ARHGEF4: variants seen among roughly 807,000 people sequenced by gnomAD.
ARHGEF4 encodes Rho guanine nucleotide exchange factor 4, also known as APC-stimulated guanine nucleotide exchange factor 1.
In ARHGEF4, 119 loss-of-function variants were observed where a neutral mutation model predicts 162.0. That is an observed-to-expected ratio of 0.73 (90% CI 0.63 to 0.86). ARHGEF4 has a LOEUF of 0.86. ARHGEF4 is among the 40% of genes least tolerant of loss of function. ARHGEF4 has a pLI of 0.00. For synonymous variants in ARHGEF4, 1,014 were observed against 979.9 expected (o/e 1.03, Z -0.65); for missense variants, 2,488 against 2,456.0 (o/e 1.01, Z -0.28).
In ARHGEF4 at chr2:130,914,134, G is replaced by C; in HGVS notation, c.188G>C (p.Gly63Ala). ...SETLSQQSES[G>A]SDTKTDPFES... ...ACGCTGTCCCAGCAGAGTGAAAGTG[G>C]ATCAGACACAAAAACTGACCCCTTT... The change falls in exon 2 of 14, where the codon GGA (glycine) becomes GCA (alanine). Residue 63 changes from glycine (G) to alanine (A), a missense_variant. Gly to Ala is a moderately conservative substitution (Grantham distance 60). Around this residue, in one of 6 missense-constraint regions of ARHGEF4, gnomAD observed 171 missense variants for 169.4 expected, o/e 1.01. Coordinates refer to ENST00000409359, the MANE Select transcript of ARHGEF4 (RefSeq NM_001367493.1). 1 of 1,536,120 alleles carries C rather than the reference G, an allele frequency of 6.5e-7. No homozygotes were observed. Among genetic ancestry groups the C allele is most frequent in the Non-Finnish European group, 8.7e-7 (1 of 1,146,914 alleles).
intron 4 of ARHGEF4, among the ~76,000 whole-genome samples, chr2:131,004,077 TAAGA>T (rs1687948678): frequency 6.6e-6 from 1 of 152,054 alleles, no homozygotes; most frequent in South Asian, 2.1e-4. Context: ...CTGGGAAAGA[TAAGA>T]AAGGGAGGAA....
intron 2 of ARHGEF4, among the ~76,000 whole-genome samples, chr2:130,920,571 G>C (rs375970928): frequency 1.3e-5 from 2 of 152,164 alleles, no homozygotes; most frequent in South Asian, 4.1e-4. Flanking sequence ...GTAGAACCCT[G>C]GATGGTGCTG....
Position 130,914,301 on chromosome 2 carries a change from T to C in ARHGEF4, c.355T>C (p.Leu119=). 1 of 1,509,662 alleles carries C rather than the reference T, an allele frequency of 6.6e-7. No homozygotes were observed. The highest frequency in any genetic ancestry group is 1.2e-5 in the South Asian group (1 of 80,144). The allele number at this position is 1,509,662 out of a possible 1,614,324, so 93.5% of individuals were successfully genotyped here. ...AACTGGACCCCCTCAGGAGCAGCAT[T>C]TGACCAGTGTTCCTGGGCTTCATGC... ...SATGPPQEQH[L]TSVPGLHAKE... is the part of the protein sequence containing the mutation. Residue 119 remains leucine, a synonymous_variant, in exon 2 of 14, where the codon TTG becomes CTG. Coordinates refer to ENST00000409359, the MANE Select transcript of ARHGEF4 (RefSeq NM_001367493.1).
At position 130,916,056 on chromosome 2, in the gene ARHGEF4, C is replaced by T; in HGVS notation, c.2110C>T (p.Leu704Phe). Residue 704 changes from leucine to phenylalanine, a missense_variant, in exon 2 of 14, where the codon CTT (leucine) becomes TTT (phenylalanine). Leu to Phe is a conservative substitution (Grantham distance 22, BLOSUM62 0). Coordinates refer to ENST00000409359, the MANE Select transcript of ARHGEF4 (RefSeq NM_001367493.1). ...CATACAGGGAGCTGGCGATGGGGCT[C>T]TTCAGCGGGTGGCCCAGGCCGCAGA... ...APIQGAGDGA[L>F]QRVAQAAELG... 1 of 1,550,332 alleles carries T rather than the reference C, an allele frequency of 6.5e-7. No individual in the cohort carries two copies. Among genetic ancestry groups the T allele is most frequent in the Middle Eastern group, 1.7e-4 (1 of 5,990 alleles).
At chr2:131,039,311 GC>G (rs750115134) in intron 6 of ARHGEF4, 5 of 1,241,956 alleles carry the variant, frequency 4.0e-6, no homozygotes, top group Non-Finnish European at 5.1e-6. Flanking sequence ...GCAACTCCAG[GC>G]GCTAGACATT....
chr2:130,889,654 T>C (rs1553507998), intron 1 of ARHGEF4, among the ~76,000 whole-genome samples: 1 of 150,640 alleles, frequency 6.6e-6, no homozygotes, highest in Non-Finnish European at 1.5e-5. Flanking sequence ...CTACTAAAAA[T>C]ACAAAAAATT....
In ARHGEF4 at chr2:130,973,831, A is replaced by T. The variant is rs145432098; in HGVS notation, c.3985+27196A>T. ...TGTCTGCAAGGTGAGAGAATAGATG[A>T]TTTATACTTTCCAGGGGCCTACTGG... is the stretch of plus-strand genomic sequence containing the variant. On this transcript the variant is annotated intron_variant, in intron 4 of 13. Transcript: ENST00000409359. Among the ~76,000 whole-genome samples the T allele has an allele frequency of 5.9e-4, 90 of 152,322 alleles. 1 individual carries two copies. The East Asian group carries it at 0.016, about 27-fold the overall frequency.
Position 130,914,372 on chromosome 2 carries a change from C to A in ARHGEF4, c.426C>A (p.Cys142Ter). The A allele has an allele frequency of 6.9e-7, 1 of 1,446,112 alleles. No individual in the cohort carries two copies. Among genetic ancestry groups the A allele is most frequent in the Non-Finnish European group, 9.0e-7 (1 of 1,105,156 alleles). 89.6% of individuals were successfully genotyped at this position (1,446,112 alleles called of 1,614,324 possible). A position where few individuals can be genotyped will look rare whatever the true frequency, so the allele number is the denominator to read the frequency against. Residue 142 changes from cysteine to a stop codon, truncating the protein, a stop_gained, in exon 2 of 14, where the codon TGC becomes TGA. Transcript: ENST00000409359. LOFTEE classifies it high-confidence loss of function. Reference protein sequence around the residue: ...DLSPSLEDDSCKNGWRAFATV... With the variant: ...DLSPSLEDDS The stretch of plus-strand genomic sequence containing the variant: ...CCCCTAGCTTAGAGGATGACTCTTG[C>A]AAAAATGGGTGGCGAGCCTTTGCCA...
chr2:130,916,555 G>A lies in ARHGEF4; in HGVS notation c.2609G>A (p.Gly870Glu). 2.6e-6 allele frequency: 4 copies of A among 1,550,124 alleles called. No individual in the cohort carries two copies. Among genetic ancestry groups the A allele is most frequent in the Non-Finnish European group, 2.6e-6 (3 of 1,146,838 alleles). ...VPQAAGDRTAGPAGAGHTGTS... is the reference protein window; with the variant it reads ...VPQAAGDRTAEPAGAGHTGTS... ...CAGGCTGCAGGCGACAGGACTGCAG[G>A]GCCGGCAGGAGCGGGGCACACGGGG... Residue 870 changes from glycine to glutamate, a missense_variant, in exon 2 of 14, where the codon GGG becomes GAG. By Grantham distance (98) the Gly-to-Glu change is moderately conservative. Coordinates refer to ENST00000409359, the MANE Select transcript of ARHGEF4 (RefSeq NM_001367493.1).
intron 4 of ARHGEF4, chr2:130,947,005 C>T (rs373795986): frequency 4.4e-4 from 85 of 193,986 alleles, no homozygotes; most frequent in African/African-American, 1.8e-3. Flanking sequence ...CCAAGGTGGG[C>T]GGATCATATG....
intron 2 of ARHGEF4, among the ~76,000 whole-genome samples, chr2:130,925,196 GA>G (rs1215932037): frequency 1.3e-5 from 2 of 151,878 alleles, no homozygotes; most frequent in Non-Finnish European, 2.9e-5. Flanking sequence ...TTTTGAGAAA[GA>G]AAAATCAAGT....
chr2:130,922,828 G>T (rs1681967608), intron 2 of ARHGEF4, among the ~76,000 whole-genome samples: 1 of 151,294 alleles, frequency 6.6e-6, no homozygotes, highest in African/African-American at 2.4e-5. Context: ...TTTTGGGGTT[G>T]TCTTTCTCTT....
At chr2:131,012,714 G>A (rs549440137) in intron 4 of ARHGEF4, among the ~76,000 whole-genome samples, 17 of 152,264 alleles carry the variant, frequency 1.1e-4, no homozygotes, top group African/African-American at 3.1e-4. Flanking sequence ...CTGAGCAGCC[G>A]GGATTACAGG....
At chr2:130,884,586 T>G (rs1214577558) in intron 1 of ARHGEF4, among the ~76,000 whole-genome samples, 1 of 152,110 alleles carries the variant, frequency 6.6e-6, no homozygotes, top group Non-Finnish European at 1.5e-5. Context: ...TTTTTAATAC[T>G]TTGAGGGCTA....
intron 2 of ARHGEF4, among the ~76,000 whole-genome samples, chr2:130,927,989 T>A (rs572939801): frequency 2.0e-4 from 30 of 152,300 alleles, no homozygotes; most frequent in African/African-American, 6.7e-4. Flanking sequence ...TAATTTTAGT[T>A]ATTTTGAAGT....
Position 131,046,282 on chromosome 2 carries a change from C to T in ARHGEF4, c.*93C>T. ...GCCCACTCGGCCTGGCCTTCCTCTGCCTGCAAGTGAGCAGGGATGGGCTGG... is the reference window on the plus strand; with the variant it reads ...GCCCACTCGGCCTGGCCTTCCTCTGTCTGCAAGTGAGCAGGGATGGGCTGG... On this transcript the variant is annotated 3_prime_UTR_variant, in exon 14 of 14. Transcript: ENST00000409359. 7.5e-7 allele frequency: 1 copy of T among 1,325,230 alleles called. No individual in the cohort carries two copies. The highest frequency in any genetic ancestry group is 2.5e-5 in the East Asian group (1 of 39,538). 82.1% of individuals were successfully genotyped at this position (1,325,230 alleles called of 1,614,324 possible). A position where few individuals can be genotyped will look rare whatever the true frequency, so the allele number is the denominator to read the frequency against.
intron 5 of ARHGEF4, chr2:131,035,659 G>A (rs1573681766): frequency 5.6e-5 from 55 of 988,654 alleles, no homozygotes; most frequent in Non-Finnish European, 6.5e-5. Flanking sequence ...GAAGACCCCC[G>A]GGCACCGCTG....
rs980980869 is a variant in ARHGEF4 at position 131,011,551 on chromosome 2, T to C, written c.3986-16394T>C. 11 of 1,360,438 alleles carry C rather than the reference T, an allele frequency of 8.1e-6. No individual in the cohort carries two copies. The African/African-American group carries it at 1.4e-4, about 18-fold the overall frequency. The allele number at this position is 1,360,438 out of a possible 1,614,324, so 84.3% of individuals were successfully genotyped here. ...CCCGTGAATATCAGGACCTCAAGCATGTGCTTCCATATCAGCCACTTTGGA... is the reference window on the plus strand; with the variant it reads ...CCCGTGAATATCAGGACCTCAAGCACGTGCTTCCATATCAGCCACTTTGGA... On this transcript the variant is annotated intron_variant, in intron 4 of 13. Transcript: ENST00000409359.
chr2:131,002,303 C>T (rs935006102), intron 4 of ARHGEF4, among the ~76,000 whole-genome samples: 2 of 152,002 alleles, frequency 1.3e-5, no homozygotes, highest in African/African-American at 2.4e-5. Context: ...AGGGGCCGGG[C>T]GCGGTGGCTC....
Sources: allele counts gnomAD v4.1 joint callset (sites outside exome capture counted in the v4.1 genomes callset), GRCh38; gene constraint gnomAD v4.1.1; regional missense constraint gnomAD v4.1.1; transcripts MANE v1.5; gene names NCBI Gene and HGNC (gene_info 2026-07-23, HGNC 2026-07-21).